The following HS3ST2 variants were observed in gnomAD, a reference collection of about 807,000 sequenced individuals.
HS3ST2 encodes heparan sulfate-glucosamine 3-sulfotransferase 2.
A neutral mutation model predicts 26.3 loss-of-function variants in HS3ST2; 17 were observed. The ratio of observed to expected loss-of-function variants is 0.65; its 90% CI spans 0.44 to 0.97. The LOEUF (loss-of-function observed/expected upper bound fraction) is 0.97. Among genes scored for constraint, HS3ST2 ranks in the 50% least tolerant of loss-of-function variants. The pLI, the probability that HS3ST2 is intolerant of heterozygous loss-of-function variation, is 0.00. For synonymous variants in HS3ST2, 237 were observed against 219.2 expected (o/e 1.08, Z -0.72); for missense variants, 402 against 501.2 (o/e 0.80, Z 1.89).
chr16:22,824,079 CA>C (rs1343768435), intron 1 of HS3ST2, among the ~76,000 whole-genome samples: 4 of 152,206 alleles, frequency 2.6e-5, no homozygotes, highest in African/African-American at 9.7e-5. Flanking sequence ...GTCAGTGTCA[CA>C]AAAGTCAGAG....
chr16:22,847,208 C>T (rs1018758671), intron 1 of HS3ST2, among the ~76,000 whole-genome samples: 3 of 152,112 alleles, frequency 2.0e-5, no homozygotes, highest in African/African-American at 4.8e-5. Flanking sequence ...TCATTTAGTT[C>T]CCACTTATAA....
intron 1 of HS3ST2, among the ~76,000 whole-genome samples, chr16:22,851,697 A>T (rs368119474): frequency 1.3e-5 from 2 of 152,310 alleles, no homozygotes; most frequent in Non-Finnish European, 2.9e-5. Context: ...AAGGTGAAGG[A>T]CGCCTTAGAC....
intron 1 of HS3ST2, among the ~76,000 whole-genome samples, chr16:22,846,276 A>T (rs1229111848): frequency 8.0e-5 from 5 of 62,136 alleles, no homozygotes; most frequent in African/African-American, 1.6e-4. Context: ...GACTCGATTT[A>T]AAAAAAAAAA....
At chr16:22,879,200 A>C (rs1901956266) in intron 1 of HS3ST2, among the ~76,000 whole-genome samples, 1 of 152,182 alleles carries the variant, frequency 6.6e-6, no homozygotes, top group Admixed American at 6.5e-5. Context: ...CTCTGTCTAC[A>C]CAACCCCAAA....
chr16:22,836,626 T>C (rs754333041), intron 1 of HS3ST2, among the ~76,000 whole-genome samples: 1 of 152,176 alleles, frequency 6.6e-6, no homozygotes, highest in Non-Finnish European at 1.5e-5. Context: ...ATTAGTGCTT[T>C]AACCTGACCG....
At chr16:22,827,133 G>C (rs1275733156) in intron 1 of HS3ST2, among the ~76,000 whole-genome samples, 1 of 152,176 alleles carries the variant, frequency 6.6e-6, no homozygotes, top group Non-Finnish European at 1.5e-5. Context: ...TGATCTGGGA[G>C]AAGAATGTTC....
intron 1 of HS3ST2, among the ~76,000 whole-genome samples, chr16:22,882,787 C>T (rs942093599): frequency 2.6e-5 from 4 of 151,932 alleles, no homozygotes; most frequent in Non-Finnish European, 5.9e-5. Context: ...AATCCAAGCA[C>T]TTTGGGAAGC....
Position 22,820,125 on chromosome 16 carries a change from C to T in HS3ST2, c.485+5030C>T, listed in dbSNP as rs138375835. On this transcript the variant is annotated intron_variant, in intron 1 of 1. Coordinates refer to ENST00000261374, the MANE Select transcript of HS3ST2 (RefSeq NM_006043.2). Reference sequence around the variant, plus strand: ...CAGAAATTCCCTGTCTTGGTCCAGGCGAACGTCACACAGTATGATTAAATG... The same window carrying T: ...CAGAAATTCCCTGTCTTGGTCCAGGTGAACGTCACACAGTATGATTAAATG... Among the ~76,000 whole-genome samples, 304 of 152,254 alleles carry T rather than the reference C, an allele frequency of 2.0e-3. 2 individuals carry two copies. The highest frequency in any genetic ancestry group is 5.5e-3 in the African/African-American group (229 of 41,538).
intron 1 of HS3ST2, among the ~76,000 whole-genome samples, chr16:22,825,869 A>C (rs185904286): frequency 2.6e-5 from 4 of 152,286 alleles, no homozygotes; most frequent in Admixed American, 6.5e-5. Flanking sequence ...CTAAAAATAC[A>C]AAAATTAGCT....
intron 1 of HS3ST2, among the ~76,000 whole-genome samples, chr16:22,900,968 G>A (rs1355811463): frequency 6.6e-6 from 1 of 152,200 alleles, no homozygotes; most frequent in Non-Finnish European, 1.5e-5. Context: ...AGGAGCAGGT[G>A]AAGGGATAGA....
At chr16:22,873,949 G>T (rs1191996791) in intron 1 of HS3ST2, among the ~76,000 whole-genome samples, 3 of 152,192 alleles carry the variant, frequency 2.0e-5, no homozygotes, top group South Asian at 4.1e-4. Context: ...GCTTGCCTGG[G>T]CTTACTCAAT....
Position 22,915,159 on chromosome 16 carries a change from G to T in HS3ST2, c.701G>T (p.Arg234Leu). The change falls in exon 2 of 2, where the codon CGC becomes CTC. Residue 234 changes from arginine (R) to leucine (L), a missense_variant. Around this residue, in one of 2 missense-constraint regions of HS3ST2, gnomAD observed 237 missense variants for 346.6 expected, o/e 0.68. Coordinates refer to ENST00000261374, the MANE Select transcript of HS3ST2 (RefSeq NM_006043.2). The part of the protein sequence containing the change: ...DIPTFEGLSF[R>L]NRTLGLVDVS... ...CCGACCTTTGAGGGCCTCTCCTTCC[G>T]CAACCGCACCCTGGGCCTGGTGGAC... is the stretch of plus-strand genomic sequence containing the variant. The T allele has an allele frequency of 6.2e-7, 1 of 1,614,044 alleles. No homozygotes were observed. Among genetic ancestry groups the T allele is most frequent in the Non-Finnish European group, 8.5e-7 (1 of 1,179,994 alleles).
intron 1 of HS3ST2, among the ~76,000 whole-genome samples, chr16:22,905,759 C>G (rs1902343455): frequency 6.6e-6 from 1 of 152,134 alleles, no homozygotes; most frequent in South Asian, 2.1e-4. Flanking sequence ...ACATGCAAAT[C>G]AACATCAAAT....
intron 1 of HS3ST2, among the ~76,000 whole-genome samples, chr16:22,882,115 T>A (rs1273439211): frequency 6.6e-6 from 1 of 152,184 alleles, no homozygotes; most frequent in Non-Finnish European, 1.5e-5. Flanking sequence ...ATCCCAGCAC[T>A]TGGGGAGGCC....
intron 1 of HS3ST2, among the ~76,000 whole-genome samples, chr16:22,853,409 GA>G (rs1055432235): frequency 2.4e-4 from 37 of 152,310 alleles, no homozygotes; most frequent in African/African-American, 8.2e-4. Flanking sequence ...ATCTTCCACA[GA>G]AAAGAGGAAG....
rs1168583676 is a variant in HS3ST2 at position 22,814,568 on chromosome 16, G to T, written c.-43G>T. The T allele has an allele frequency of 6.8e-7, 1 of 1,472,828 alleles. No individual in the cohort carries two copies. Among genetic ancestry groups the T allele is most frequent in the South Asian group, 1.3e-5 (1 of 74,958 alleles). 91.2% of individuals were successfully genotyped at this position (1,472,828 alleles called of 1,614,324 possible). Reference sequence around the variant, plus strand: ...GGGCCACAGCAGCTCAGCCGCCGGTGCCCCCTCGGAAACCATGACCCCCGG... The same window carrying T: ...GGGCCACAGCAGCTCAGCCGCCGGTTCCCCCTCGGAAACCATGACCCCCGG... On this transcript the variant is annotated 5_prime_UTR_variant, in exon 1 of 2. Coordinates refer to ENST00000261374, the MANE Select transcript of HS3ST2 (RefSeq NM_006043.2).
chr16:22,890,035 C>T (rs1168769332), intron 1 of HS3ST2, among the ~76,000 whole-genome samples: 1 of 152,134 alleles, frequency 6.6e-6, no homozygotes, highest in Non-Finnish European at 1.5e-5. Context: ...AGATTCTTGG[C>T]ATAATAAGGA....
rs147022471 is a variant in HS3ST2, at chr16:22,836,738, G to A, written c.485+21643G>A. Among the ~76,000 whole-genome samples, 1,406 of 152,144 alleles carry A rather than the reference G, an allele frequency of 9.2e-3. 18 individuals carry two copies. Among genetic ancestry groups the A allele is most frequent in the African/African-American group, 0.032 (1,346 of 41,480 alleles). On this transcript the variant is annotated intron_variant, in intron 1 of 1. Transcript: ENST00000261374. ...GGCTCACTGCAACCTCTGCCTCCCA[G>A]TTTCAAGTGATTCTCCTGCCTCAGC...
chr16:22,868,129 T>G (rs1305367979), intron 1 of HS3ST2, among the ~76,000 whole-genome samples: 1 of 152,110 alleles, frequency 6.6e-6, no homozygotes, highest in Non-Finnish European at 1.5e-5. Context: ...AAAGATAGGC[T>G]GGGCATGGTG....
Sources: allele counts gnomAD v4.1 joint callset (sites outside exome capture counted in the v4.1 genomes callset), GRCh38; gene constraint gnomAD v4.1.1; regional missense constraint gnomAD v4.1.1; transcripts MANE v1.5; gene names NCBI Gene and HGNC (gene_info 2026-07-23, HGNC 2026-07-21).